CFAP43: variants seen among roughly 807,000 people sequenced by gnomAD.
CFAP43 encodes cilia and flagella associated protein 43.
Under a neutral mutation model 218.9 loss-of-function variants are expected in CFAP43, and 155 were observed. That is an observed-to-expected ratio of 0.71 (90% CI 0.62 to 0.81). The LOEUF (loss-of-function observed/expected upper bound fraction) is 0.81. Among genes scored for constraint, CFAP43 ranks in the 30% least tolerant of loss-of-function variants. The pLI, the probability that CFAP43 is intolerant of heterozygous loss-of-function variation, is 0.00. For missense variants in CFAP43, 1,778 were observed against 1,954.3 expected (o/e 0.91, Z 1.70); for synonymous variants, 645 against 681.3 (o/e 0.95, Z 0.83).
chr10:104,221,030 C>A (rs2091165507), intron 3 of CFAP43, among the ~76,000 whole-genome samples: 1 of 151,032 alleles, frequency 6.6e-6, no homozygotes, highest in African/African-American at 2.4e-5. Flanking sequence ...GGCTGGAGTG[C>A]AGTGGCATGA....
At chr10:104,132,296 C>A in intron 35 of CFAP43, 100 bp from the exon 36 acceptor site, 1 of 897,056 alleles carries the variant, frequency 1.1e-6, no homozygotes. Flanking sequence ...TTTTTCATAA[C>A]AAATATCTAT....
chr10:104,156,991 C>CA (rs1362060832), intron 27 of CFAP43, among the ~76,000 whole-genome samples: 2 of 152,102 alleles, frequency 1.3e-5, no homozygotes, highest in African/African-American at 4.8e-5. Flanking sequence ...AGGGATGGGA[C>CA]AAAAATTTGG....
chr10:104,161,933 C>T, intron 26 of CFAP43, 28 bp downstream of exon 26: 1 of 1,599,542 alleles, frequency 6.3e-7, no homozygotes, highest in Non-Finnish European at 8.5e-7. Flanking sequence ...CCCATTCCAC[C>T]TTCTATAAGG....
Position 104,197,980 on chromosome 10 carries a change from G to A in CFAP43, c.1154C>T (p.Ala385Val). Residue 385 changes from alanine to valine, a missense_variant, in exon 9 of 38, where the codon GCT (alanine) becomes GTT (valine). Ala to Val is a moderately conservative substitution (Grantham distance 64, BLOSUM62 0). This residue lies in a region of CFAP43 where 1,553 missense variants were observed against 1,685.2 expected (regional missense o/e 0.92). Transcript: ENST00000357060. Reference sequence around the variant, plus strand: ...AATTGCCTGAAATTTCCCATCACAAGCATCTAGGACTTTATTTAAGGTTGG... The same window carrying A: ...AATTGCCTGAAATTTCCCATCACAAACATCTAGGACTTTATTTAAGGTTGG... ...KEPTLNKVLD[A>V]CDGKFQAIDF... is the part of the protein sequence containing the mutation. 6.2e-7 allele frequency: 1 copy of A among 1,613,824 alleles called. No individual in the cohort carries two copies. The highest frequency in any genetic ancestry group is 8.5e-7 in the Non-Finnish European group (1 of 1,179,814).
At chr10:104,211,866 C>T in intron 5 of CFAP43, 141 bp downstream of exon 5, 1 of 937,274 alleles carries the variant, frequency 1.1e-6, no homozygotes, top group South Asian at 2.4e-5. Flanking sequence ...CTCTCACAGT[C>T]TCTGTGGCTA....
rs200220901 is a variant in CFAP43 at position 104,132,100 on chromosome 10, C to T, written c.4677+16G>A. The T allele has an allele frequency of 2.3e-5, 36 of 1,565,624 alleles. No individual in the cohort carries two copies. The highest frequency in any genetic ancestry group is 1.7e-4 in the Middle Eastern group (1 of 5,898). On this transcript the variant is annotated intron_variant, in intron 36 of 37. Coordinates refer to ENST00000357060, the MANE Select transcript of CFAP43 (RefSeq NM_025145.7). The stretch of plus-strand genomic sequence containing the variant: ...ACAACTGTTAGGATATAATAACCAA[C>T]GTCTTTGAGACTTACCTTATCTAAA...
intron 34 of CFAP43, 23 bp from the exon 35 acceptor site, chr10:104,133,807 T>G: frequency 6.4e-7 from 1 of 1,565,138 alleles, no homozygotes; most frequent in Non-Finnish European, 8.7e-7. Flanking sequence ...ACATTAGATA[T>G]CCATATAATA....
chr10:104,192,401 T>A, intron 11 of CFAP43, 99 bp from the exon 12 acceptor site: 2 of 902,970 alleles, frequency 2.2e-6, no homozygotes, highest in Non-Finnish European at 3.5e-6. Flanking sequence ...TCAAAGCCAG[T>A]CATTTTTACG....
chr10:104,144,987 T>TG (rs2134756682), intron 31 of CFAP43, among the ~76,000 whole-genome samples: 1 of 152,332 alleles, frequency 6.6e-6, no homozygotes, highest in South Asian at 2.1e-4. Flanking sequence ...TTCTTACACT[T>TG]GGAGATCCAA....
At chr10:104,138,404 G>A (rs776325464) in intron 34 of CFAP43, among the ~76,000 whole-genome samples, 12 of 152,104 alleles carry the variant, frequency 7.9e-5, no homozygotes, top group South Asian at 2.1e-4. Flanking sequence ...CCGGTGGCAC[G>A]GTGGCTCAGG....
intron 28 of CFAP43, 92 bp downstream of exon 28, chr10:104,152,515 A>C: frequency 6.4e-7 from 1 of 1,553,882 alleles, no homozygotes; most frequent in Non-Finnish European, 8.7e-7. Flanking sequence ...ACAAGATCTT[A>C]GTACCTGGTA....
rs1407738121 is a variant in CFAP43, at chr10:104,166,591, A to G, written c.2936T>C (p.Leu979Pro). 1.9e-6 allele frequency: 3 copies of G among 1,614,184 alleles called. No homozygotes were observed. The highest frequency in any genetic ancestry group is 2.5e-6 in the Non-Finnish European group (3 of 1,180,030). The change falls in exon 23 of 38, where the codon CTT becomes CCT. Residue 979 changes from leucine (L) to proline (P), a missense_variant. Physicochemically the swap from Leu to Pro is moderately conservative, Grantham distance 98 (BLOSUM62 -3). This residue lies in a region of CFAP43 where 1,553 missense variants were observed against 1,685.2 expected (regional missense o/e 0.92). Transcript: ENST00000357060. Reference protein sequence around the residue: ...VKYSNLPNYLLGSLSTDFGVD... With the variant: ...VKYSNLPNYLPGSLSTDFGVD... ...CCCAAAATCAGTACTCAGACTACCA[A>G]GCAGGTAATTGGGCAAATTGCTATA...
At position 104,152,588 on chromosome 10, in the gene CFAP43, A is replaced by C; in HGVS notation, c.3660+19T>G. The C allele has an allele frequency of 1.2e-6, 2 of 1,612,086 alleles. No individual in the cohort carries two copies. The highest frequency in any genetic ancestry group is 8.5e-7 in the Non-Finnish European group (1 of 1,179,348). On this transcript the variant is annotated intron_variant, in intron 28 of 37. Coordinates refer to ENST00000357060, the MANE Select transcript of CFAP43 (RefSeq NM_025145.7). ...CCTGCAAGCTCCTTAAAAGTCACAT[A>C]AGTAAAGCTTTTATTTACCTGGTTG...
chr10:104,201,510 C>T (rs893915184), intron 8 of CFAP43, among the ~76,000 whole-genome samples: 1 of 152,034 alleles, frequency 6.6e-6, no homozygotes, highest in South Asian at 2.1e-4. Flanking sequence ...GAAGTTGTAA[C>T]ATGTGTACCT....
chr10:104,224,408 ATT>A (rs2091259092), intron 3 of CFAP43, among the ~76,000 whole-genome samples: 2 of 152,030 alleles, frequency 1.3e-5, no homozygotes, highest in Admixed American at 1.3e-4. Context: ...TTATCAAAGT[ATT>A]TACCTTATAT....
At chr10:104,158,501 C>A (rs1423094947) in intron 27 of CFAP43, among the ~76,000 whole-genome samples, 1 of 152,042 alleles carries the variant, frequency 6.6e-6, no homozygotes, top group Non-Finnish European at 1.5e-5. Context: ...ACTTGGGGGA[C>A]ATGCCACAAA....
chr10:104,180,789 G>A (rs1395224831), intron 17 of CFAP43, among the ~76,000 whole-genome samples: 1 of 152,058 alleles, frequency 6.6e-6, no homozygotes, highest in Admixed American at 6.6e-5. Context: ...GCAGCAAAAT[G>A]TCTTGAAAGA....
intron 23 of CFAP43, among the ~76,000 whole-genome samples, chr10:104,165,862 G>A (rs1220457351): frequency 2.0e-5 from 3 of 152,138 alleles, no homozygotes; most frequent in African/African-American, 7.2e-5. Context: ...GGTATACCGA[G>A]AAAACGGAAT....
intron 16 of CFAP43, among the ~76,000 whole-genome samples, chr10:104,182,899 AGACCCTTTCAT>A (rs1028546300): frequency 8.6e-5 from 13 of 152,024 alleles, no homozygotes; most frequent in African/African-American, 3.1e-4. Context: ...TTCTTACAGG[AGACCCTTTCAT>A]GGGTTCCAGG....
Sources: allele counts gnomAD v4.1 joint callset (sites outside exome capture counted in the v4.1 genomes callset), GRCh38; gene constraint gnomAD v4.1.1; regional missense constraint gnomAD v4.1.1; transcripts MANE v1.5; gene names NCBI Gene and HGNC (gene_info 2026-07-23, HGNC 2026-07-21).